MAPRE2: variants seen among roughly 807,000 people sequenced by gnomAD.
MAPRE2 encodes microtubule associated protein RP/EB family member 2.
In MAPRE2, 13 loss-of-function variants were observed where a neutral mutation model predicts 43.2. The observed-to-expected ratio is 0.30, with a 90% CI of 0.20 to 0.48. The LOEUF (loss-of-function observed/expected upper bound fraction) is 0.48. Among genes scored for constraint, MAPRE2 ranks in the 20% least tolerant of loss-of-function variants. The pLI is 0.99. For missense variants in MAPRE2, 161 were observed against 400.2 expected, an observed-to-expected ratio of 0.40 and a Z score of 5.10; for synonymous variants, 135 against 148.8, an observed-to-expected ratio of 0.91 and a Z score of 0.68.
At chr18:35,077,099 A>G (rs185022228) in intron 2 of MAPRE2, among the ~76,000 whole-genome samples, 6 of 152,368 alleles carry the variant, frequency 3.9e-5, no homozygotes, top group African/African-American at 1.4e-4. Context: ...ACAAAAAATC[A>G]AGGAACATGT....
intron 6 of MAPRE2, among the ~76,000 whole-genome samples, chr18:35,132,521 T>G (rs1430512554): frequency 6.6e-6 from 1 of 152,338 alleles, no homozygotes; most frequent in East Asian, 1.9e-4. Context: ...GGATTCCTCC[T>G]TCTTCATGCA....
chr18:35,070,869 C>T (rs1907084159), intron 2 of MAPRE2, among the ~76,000 whole-genome samples: 1 of 152,188 alleles, frequency 6.6e-6, no homozygotes, highest in South Asian at 2.1e-4. Context: ...TTGCTGAGAT[C>T]TTTCCCCTTC....
At chr18:35,056,171 C>CT (rs1228989291) in intron 1 of MAPRE2, among the ~76,000 whole-genome samples, 2 of 152,022 alleles carry the variant, frequency 1.3e-5, no homozygotes, top group Non-Finnish European at 2.9e-5. Flanking sequence ...TAGCATCCTA[C>CT]TTTAAGTTTG....
chr18:35,059,987 G>T (rs989879149), intron 1 of MAPRE2, among the ~76,000 whole-genome samples: 6 of 152,268 alleles, frequency 3.9e-5, no homozygotes, highest in Admixed American at 1.3e-4. Context: ...TGCACCACAG[G>T]ACTTTGCCTA....
chr18:34,996,809 T>C (rs368637236), intron 1 of MAPRE2, among the ~76,000 whole-genome samples: 20 of 152,324 alleles, frequency 1.3e-4, no homozygotes, highest in African/African-American at 4.3e-4. Flanking sequence ...GCTTCAAATA[T>C]ATGAAATTGA....
intron 2 of MAPRE2, among the ~76,000 whole-genome samples, chr18:35,074,208 T>C (rs1907235032): frequency 6.6e-6 from 1 of 152,236 alleles, no homozygotes; most frequent in Non-Finnish European, 1.5e-5. Context: ...GAACCACATG[T>C]AGTATCAGAT....
intron 1 of MAPRE2, among the ~76,000 whole-genome samples, chr18:34,997,808 C>T (rs544803612): frequency 6.6e-6 from 1 of 152,296 alleles, no homozygotes; most frequent in South Asian, 2.1e-4. Context: ...AAGAGTGAGA[C>T]TCCGTCTCAA....
intron 4 of MAPRE2, among the ~76,000 whole-genome samples, chr18:35,125,837 C>T (rs1178377988): frequency 1.3e-5 from 2 of 152,320 alleles, no homozygotes; most frequent in African/African-American, 4.8e-5. Flanking sequence ...CTTTTTTCCA[C>T]TTCACAACAT....
chr18:35,052,310 G>A (rs1905980993), intron 1 of MAPRE2, among the ~76,000 whole-genome samples: 2 of 152,070 alleles, frequency 1.3e-5, no homozygotes, highest in African/African-American at 2.4e-5. Context: ...TATATAAATG[G>A]GATCACAGAG....
intron 2 of MAPRE2, among the ~76,000 whole-genome samples, chr18:35,030,432 A>T (rs955640965): frequency 6.6e-6 from 1 of 152,226 alleles, no homozygotes; most frequent in African/African-American, 2.4e-5. Context: ...GAGCTAGGGA[A>T]AAAGAATGAC....
At chr18:35,035,536 C>T (rs1159088566) in intron 2 of MAPRE2, among the ~76,000 whole-genome samples, 1 of 151,670 alleles carries the variant, frequency 6.6e-6, no homozygotes, top group African/African-American at 2.4e-5. Flanking sequence ...AATTGCAGTG[C>T]CTCCTACCTG....
In MAPRE2 at chr18:35,139,786, G is replaced by A. The variant is rs143207328; in HGVS notation, c.910-509G>A. 1.3e-3 allele frequency among the ~76,000 whole-genome samples: 202 copies of A among 152,258 alleles called. 1 individual carries two copies. The Middle Eastern group carries it at 0.014, about 10-fold the overall frequency. ...CATAACAAAGGGTCTCCTTCAGGGC[G>A]ACACTGCCGAGCAAGAAGAATGACA... On this transcript the variant is annotated intron_variant, in intron 6 of 6. Transcript: ENST00000300249.
chr18:35,043,598 C>CA (rs759626897), intron 1 of MAPRE2, among the ~76,000 whole-genome samples: 16 of 152,092 alleles, frequency 1.1e-4, no homozygotes, highest in Non-Finnish European at 1.9e-4. Flanking sequence ...TAATGGCATT[C>CA]AAAATTATGT....
intron 1 of MAPRE2, among the ~76,000 whole-genome samples, chr18:35,058,380 TAAGAG>T (rs1906344334): frequency 6.6e-6 from 1 of 152,230 alleles, no homozygotes; most frequent in Non-Finnish European, 1.5e-5. Context: ...CACCAATCTC[TAAGAG>T]TAGAATACTG....
chr18:35,008,438 A>AT (rs2097032845), intron 2 of MAPRE2, among the ~76,000 whole-genome samples: 1 of 152,122 alleles, frequency 6.6e-6, no homozygotes, highest in South Asian at 2.1e-4. Context: ...CTATTTTTCC[A>AT]TTTTTGCATA....
intron 2 of MAPRE2, among the ~76,000 whole-genome samples, chr18:35,010,349 T>C (rs1271134093): frequency 1.3e-5 from 2 of 152,248 alleles, no homozygotes; most frequent in African/African-American, 4.8e-5. Flanking sequence ...AAGGCTACAG[T>C]GAGCCGTGAT....
rs201532678 is a variant in MAPRE2, at chr18:34,981,887, A to T, written c.-70+4808A>T. On this transcript the variant is annotated intron_variant, in intron 1 of 7. Coordinates refer to the MAPRE2 transcript ENST00000413393. ...TTATTTTTTTTTTTTATTTTTATTT[A>T]TTTTTTTTTTTTTTTGAGACGGAGT... is the stretch of plus-strand genomic sequence containing the variant. 7.8e-3 allele frequency among the ~76,000 whole-genome samples: 271 copies of T among 34,716 alleles called. 7 individuals carry two copies. The highest frequency in any genetic ancestry group is 0.01 in the East Asian group (7 of 692). 22.8% of individuals were successfully genotyped at this position (34,716 alleles called of 152,430 possible). A position where few individuals can be genotyped will look rare whatever the true frequency, so the allele number is the denominator to read the frequency against.
chr18:35,054,488 C>T (rs1464228007), intron 1 of MAPRE2, among the ~76,000 whole-genome samples: 1 of 152,208 alleles, frequency 6.6e-6, no homozygotes, highest in African/African-American at 2.4e-5. Flanking sequence ...AGGTGAGTCG[C>T]TGCCTCCATG....
intron 5 of MAPRE2, 162 bp from the exon 6 acceptor site, chr18:35,131,870 A>C (rs1427779730): frequency 1.5e-6 from 1 of 676,184 alleles, no homozygotes; most frequent in Non-Finnish European, 2.5e-6. Context: ...GCCCAGGGTC[A>C]AGCTCCAGAC....
Sources: gnomAD v4.1 joint callset for allele counts (sites outside exome capture counted in the v4.1 genomes callset) on GRCh38, gnomAD v4.1.1 for gene constraint, MANE v1.5 for transcripts, NCBI Gene and HGNC (gene_info 2026-07-23, HGNC 2026-07-21) for gene names.